Variants in BCLAF3 observed in about 807,000 individuals in gnomAD.
BCLAF3 encodes the protein transient octamer binding factor 1.
In BCLAF3, 24 loss-of-function variants were observed where a neutral mutation model predicts 51.2. The observed-to-expected ratio is 0.47, with a 90% confidence interval of 0.34 to 0.66. The LOEUF (loss-of-function observed/expected upper bound fraction) is 0.66, where lower values mean the gene tolerates loss of function less well. Ranked by LOEUF, BCLAF3 falls within the 30% of genes least tolerant of loss-of-function variation. BCLAF3 has a pLI of 0.01. For synonymous variants in BCLAF3, 152 were observed against 176.6 expected (o/e 0.86, Z 1.10); for missense variants, 465 against 525.1 (o/e 0.89, Z 1.12).
In BCLAF3 at chrX:19,915,685, G is replaced by A. The variant is rs1254407621; in HGVS notation, c.*1620C>T. On this transcript the variant is annotated 3_prime_UTR_variant, in exon 12 of 12. Coordinates refer to ENST00000379682, the MANE Select transcript of BCLAF3 (RefSeq NM_001367774.2). ...CATGTGTCTTGTCTTCTTGTTCATT[G>A]CTGTAATTTTAGTACAGTATCTGTG... 8.9e-6 allele frequency: 1 copy of A among 111,956 alleles called. No homozygotes were observed. The allele number at this position is 111,956 out of a possible 1,213,427, so 9.2% of individuals were successfully genotyped here.
intron 8 of BCLAF3, among the ~76,000 whole-genome samples, chrX:19,942,045 G>A (rs2071073651): frequency 1.3e-5 from 1 of 76,493 alleles, no homozygotes; most frequent in Non-Finnish European, 2.3e-5. Flanking sequence ...TTGTGAATGG[G>A]AGTTCACTCA....
Position 19,965,171 on chromosome X carries a change from T to C in BCLAF3, c.1147A>G (p.Ser383Gly). 2 of 1,208,018 alleles carry C rather than the reference T, an allele frequency of 1.7e-6. No individual in the cohort carries two copies. Among genetic ancestry groups the C allele is most frequent in the Non-Finnish European group, 2.2e-6 (2 of 894,666 alleles). ...IKKEGDCRKESNSSSNQLDKS... is the reference protein window; with the variant it reads ...IKKEGDCRKEGNSSSNQLDKS... ...TCAAGTTGGTTACTGGAAGAATTGC[T>C]CTCTTTTCTACAATCCCCTTCTTTC... The change falls in exon 4 of 12, where the codon AGC becomes GGC. Residue 383 changes from serine to glycine, a missense_variant. Transcript: ENST00000379682.
chrX:19,918,583 C>T (rs1320933747), intron 11 of BCLAF3, among the ~76,000 whole-genome samples: 3 of 93,227 alleles, frequency 3.2e-5, no homozygotes, highest in Non-Finnish European at 4.2e-5. Context: ...CTCCGTTGCC[C>T]AGGCTGGAGT....
At position 19,914,676 on chromosome X, in the gene BCLAF3, G is replaced by A. The variant is rs1218929415; in HGVS notation, c.*2629C>T. The A allele has an allele frequency of 9.0e-6, 1 of 110,894 alleles. No individual in the cohort carries two copies. The highest frequency in any genetic ancestry group is 1.9e-5 in the Non-Finnish European group (1 of 52,988). 9.1% of individuals were successfully genotyped at this position (110,894 alleles called of 1,213,427 possible). A position where few individuals can be genotyped will look rare whatever the true frequency, so the allele number is the denominator to read the frequency against. On this transcript the variant is annotated 3_prime_UTR_variant, in exon 12 of 12. Coordinates refer to ENST00000379682, the MANE Select transcript of BCLAF3 (RefSeq NM_001367774.2). ...TAGTGTTCTCTGTGATAAGACTATG[G>A]GCAATTCTTCAAATTGAAATTTATG...
At chrX:19,930,986 T>C (rs1442966066) in intron 10 of BCLAF3, among the ~76,000 whole-genome samples, 1 of 113,011 alleles carries the variant, frequency 8.8e-6, no homozygotes, top group African/African-American at 3.2e-5. Context: ...GGGGGAAAGA[T>C]ATTAAGTATC....
intron 8 of BCLAF3, among the ~76,000 whole-genome samples, chrX:19,947,036 T>C (rs2071333823): frequency 1.8e-5 from 2 of 112,469 alleles, no homozygotes; most frequent in African/African-American, 6.5e-5. Context: ...CAAAGGTTTG[T>C]ATATAGTTTT....
At chrX:19,954,228 C>T in intron 5 of BCLAF3, 1 of 742,704 alleles carries the variant, frequency 1.3e-6, no homozygotes, top group Admixed American at 8.6e-5. Flanking sequence ...GTAAAGATGG[C>T]ATAGAGCTTC....
intron 1 of BCLAF3, chrX:19,984,922 G>A (rs1446327611): frequency 8.9e-6 from 1 of 112,224 alleles, no homozygotes; most frequent in African/African-American, 3.2e-5. Context: ...CCCGACCTCA[G>A]GTGATCTGCC....
At chrX:19,975,482 T>C (rs1828148907) in intron 1 of BCLAF3, among the ~76,000 whole-genome samples, 1 of 110,480 alleles carries the variant, frequency 9.1e-6, no homozygotes, top group Non-Finnish European at 1.9e-5. Flanking sequence ...TAGCTGGGAC[T>C]ACAGGTGTGC....
intron 1 of BCLAF3, among the ~76,000 whole-genome samples, chrX:19,982,549 TCACACACA>T (rs60433883): frequency 0.015 from 1,482 of 97,091 alleles, 23 homozygotes; most frequent in African/African-American, 0.042. Context: ...AGATGCAATT[TCACACACA>T]CACACACACA....
At chrX:19,973,584 C>T (rs903397867) in intron 1 of BCLAF3, among the ~76,000 whole-genome samples, 1 of 111,503 alleles carries the variant, frequency 9.0e-6, no homozygotes. Context: ...TCGTCCAGCA[C>T]ATGGATGGCC....
intron 8 of BCLAF3, among the ~76,000 whole-genome samples, chrX:19,943,335 T>A: frequency 1.9e-5 from 1 of 53,305 alleles, no homozygotes; most frequent in Non-Finnish European, 3.2e-5. Flanking sequence ...GTGTTTGCTC[T>A]TGCTTTTCTA....
At chrX:19,948,230 T>C (rs2071372669) in intron 8 of BCLAF3, among the ~76,000 whole-genome samples, 1 of 112,054 alleles carries the variant, frequency 8.9e-6, no homozygotes, top group Admixed American at 9.5e-5. Context: ...AACAGGTATC[T>C]GCACAAAAAC....
rs200445357 is a variant in BCLAF3, at chrX:19,966,549, C to A, written c.142G>T (p.Ala48Ser). ...EYRKDPKRPV[A>S]WRMDSEKHGQ... is the part of the protein sequence containing the mutation. ...TGTTTCTCACTGTCCATTCTCCACG[C>A]GACGGGTCTTTTTGGATCCTTCCTA... Residue 48 changes from alanine (A) to serine (S), a missense_variant, in exon 3 of 12, where the codon GCG (alanine) becomes TCG (serine). Coordinates refer to ENST00000379682, the MANE Select transcript of BCLAF3 (RefSeq NM_001367774.2). The A allele has an allele frequency of 2.5e-6, 3 of 1,211,232 alleles. No individual in the cohort carries two copies. The highest frequency in any genetic ancestry group is 3.5e-5 in the South Asian group (2 of 56,989).
At chrX:19,954,176 A>G (rs1219841464) in intron 5 of BCLAF3, 13 of 752,718 alleles carry the variant, frequency 1.7e-5, no homozygotes, top group Non-Finnish European at 2.0e-5. Context: ...TCTCAAAGCA[A>G]GGACCTTTCT....
intron 9 of BCLAF3, 159 bp downstream of exon 9, chrX:19,937,259 C>A (rs1603305701): frequency 2.2e-6 from 1 of 449,097 alleles, no homozygotes; most frequent in Non-Finnish European, 4.0e-6. Flanking sequence ...AAGAAATGAC[C>A]ATTTCTTCTG....
At chrX:19,984,026 C>T (rs921258926) in intron 1 of BCLAF3, among the ~76,000 whole-genome samples, 12 of 93,220 alleles carry the variant, frequency 1.3e-4, no homozygotes, top group African/African-American at 3.3e-4. Flanking sequence ...GAGCCGAGAT[C>T]GTGCTACTGC....
At chrX:19,981,126 A>G (rs2072598544) in intron 1 of BCLAF3, among the ~76,000 whole-genome samples, 1 of 111,206 alleles carries the variant, frequency 9.0e-6, no homozygotes, top group African/African-American at 3.3e-5. Context: ...GAGGTTAAAC[A>G]AATCAACACC....
intron 8 of BCLAF3, among the ~76,000 whole-genome samples, chrX:19,945,966 T>G (rs1190449588): frequency 9.1e-6 from 1 of 109,377 alleles, no homozygotes; most frequent in Non-Finnish European, 1.9e-5. Context: ...GTGTGGGATA[T>G]AGTCTCGTGA....
Sources: allele counts gnomAD v4.1 joint callset (sites outside exome capture counted in the v4.1 genomes callset), GRCh38; gene constraint gnomAD v4.1.1; transcripts MANE v1.5; gene names NCBI Gene and HGNC (gene_info 2026-07-23, HGNC 2026-07-21).